The following DLG2 variants were observed in gnomAD, a reference collection of about 807,000 sequenced individuals.
The protein encoded by DLG2 is disks large homolog 2.
In DLG2, 45 loss-of-function variants were observed where a neutral mutation model predicts 132.5. The ratio of observed to expected loss-of-function variants is 0.34; its 90% CI spans 0.27 to 0.44. DLG2 has a LOEUF of 0.44. Among genes scored for constraint, DLG2 ranks in the 20% least tolerant of loss-of-function variants. The probability of loss-of-function intolerance (pLI) is 1.00; values close to 1 mark genes in which losing one functional copy is unlikely to be tolerated. For synonymous variants in DLG2, 424 were observed against 419.6 expected, an observed-to-expected ratio of 1.01 and a Z score of -0.13; for missense variants, 1,045 against 1,196.9, an observed-to-expected ratio of 0.87 and a Z score of 1.87.
intron 3 of DLG2, among the ~76,000 whole-genome samples, chr11:85,563,801 A>G (rs1243274632): frequency 6.6e-6 from 1 of 152,110 alleles, no homozygotes. Context: ...GCTTTGTGTG[A>G]TCAAATATTT....
chr11:84,973,400 C>T (rs566894299), intron 6 of DLG2, among the ~76,000 whole-genome samples: 29 of 152,204 alleles, frequency 1.9e-4, no homozygotes, highest in African/African-American at 6.7e-4. Flanking sequence ...TTCTTATGTT[C>T]CTCGTGAAAT....
At chr11:84,665,638 C>T (rs183948576) in intron 6 of DLG2, among the ~76,000 whole-genome samples, 7 of 152,222 alleles carry the variant, frequency 4.6e-5, no homozygotes, top group East Asian at 1.9e-4. Context: ...TTCTTGAAGA[C>T]GGTTGCTTCT....
chr11:83,952,496 T>C (rs2085724668), intron 14 of DLG2, among the ~76,000 whole-genome samples: 1 of 152,194 alleles, frequency 6.6e-6, no homozygotes, highest in Non-Finnish European at 1.5e-5. Flanking sequence ...TAAATACATA[T>C]ATAATCAAGA....
intron 18 of DLG2, among the ~76,000 whole-genome samples, chr11:83,642,755 G>A (rs979843407): frequency 6.6e-6 from 1 of 151,998 alleles, no homozygotes; most frequent in Admixed American, 6.6e-5. Context: ...ATTTTTTAAG[G>A]CTCTGAGATA....
intron 7 of DLG2, among the ~76,000 whole-genome samples, chr11:84,394,769 G>A (rs979442620): frequency 5.3e-5 from 8 of 151,990 alleles, no homozygotes; most frequent in Non-Finnish European, 1.0e-4. Flanking sequence ...TTACAGGTGT[G>A]CACCAGCACG....
intron 7 of DLG2, among the ~76,000 whole-genome samples, chr11:84,335,522 C>T (rs2098480532): frequency 6.6e-6 from 1 of 152,086 alleles, no homozygotes; most frequent in Non-Finnish European, 1.5e-5. Flanking sequence ...CTGAGGTGAC[C>T]CTTGTAAAGT....
chr11:83,843,011 T>C (rs1447593289), intron 16 of DLG2, among the ~76,000 whole-genome samples: 3 of 152,246 alleles, frequency 2.0e-5, no homozygotes, highest in African/African-American at 7.2e-5. Flanking sequence ...TTGATCTTTC[T>C]AAAGAACATA....
At chr11:85,055,160 A>G (rs2063324711) in intron 6 of DLG2, among the ~76,000 whole-genome samples, 1 of 152,210 alleles carries the variant, frequency 6.6e-6, no homozygotes, top group South Asian at 2.1e-4. Flanking sequence ...GCTCAAATGG[A>G]CACAATCATA....
chr11:85,501,050 G>T (rs1472386385), intron 3 of DLG2, among the ~76,000 whole-genome samples: 2 of 152,134 alleles, frequency 1.3e-5, no homozygotes, highest in Admixed American at 1.3e-4. Context: ...AAAACAGCAT[G>T]GTACTGGTAC....
intron 3 of DLG2, among the ~76,000 whole-genome samples, chr11:85,417,657 C>A (rs1308660291): frequency 2.0e-5 from 3 of 152,278 alleles, no homozygotes; most frequent in East Asian, 3.9e-4. Flanking sequence ...TCAACTTCTT[C>A]TTGCTTTAGT....
intron 7 of DLG2, among the ~76,000 whole-genome samples, chr11:84,390,974 G>T (rs1309860731): frequency 6.6e-6 from 1 of 152,112 alleles, no homozygotes; most frequent in Non-Finnish European, 1.5e-5. Flanking sequence ...GCAGACAACA[G>T]TTTTAAGAGT....
In DLG2 at chr11:83,856,840, T is replaced by C. The variant is rs1452262922; in HGVS notation, c.1565+17580A>G. ...AGCTCTTTAGTTTAATTAAATATCA[T>C]TTGCCAGTTTTTGCTTTGGTGTAAT... On this transcript the variant is annotated intron_variant, in intron 16 of 27. Transcript: ENST00000376104. 2.0e-5 allele frequency among the ~76,000 whole-genome samples: 3 copies of C among 152,228 alleles called. No homozygotes were observed. In the East Asian group the frequency reaches 5.8e-4, roughly 29 times the overall value.
Position 84,121,541 on chromosome 11 carries a change from A to ATTTTTTTTTTTTTT in DLG2, c.625-22508_625-22495dup, listed in dbSNP as rs869183421. ...TTACTCTCACTTATATTCCTTGCTAATTTTTTTTTTTTTTTTTTTTTTTTT... is the reference window on the plus strand; with the variant it reads ...TTACTCTCACTTATATTCCTTGCTAATTTTTTTTTTTTTTTTTTTTTTTTTTTTTTTTTTTTTTT... On this transcript the variant is annotated intron_variant, in intron 9 of 27. Transcript: ENST00000376104. Among the ~76,000 whole-genome samples, 11 of 66,686 alleles carry ATTTTTTTTTTTTTT rather than the reference A, an allele frequency of 1.6e-4. 2 individuals carry two copies. The highest frequency in any genetic ancestry group is 2.3e-4 in the Admixed American group (1 of 4,256). 43.7% of individuals were successfully genotyped at this position (66,686 alleles called of 152,430 possible). A position where few individuals can be genotyped will look rare whatever the true frequency, so the allele number is the denominator to read the frequency against.
At chr11:83,827,958 T>G (rs2053364104) in intron 17 of DLG2, among the ~76,000 whole-genome samples, 1 of 152,142 alleles carries the variant, frequency 6.6e-6, no homozygotes, top group African/African-American at 2.4e-5. Flanking sequence ...CTAGAAAAGA[T>G]CACTTATAAT....
chr11:85,618,092 T>C (rs1260994572), intron 2 of DLG2, among the ~76,000 whole-genome samples: 1 of 152,196 alleles, frequency 6.6e-6, no homozygotes, highest in Non-Finnish European at 1.5e-5. Flanking sequence ...ATTGAACCCA[T>C]GCGGAAAGCT....
At chr11:83,766,124 C>T (rs1177915981) in intron 18 of DLG2, among the ~76,000 whole-genome samples, 2 of 145,300 alleles carry the variant, frequency 1.4e-5, no homozygotes, top group Middle Eastern at 3.5e-3. Context: ...GATGGAGTCT[C>T]ACTCTGTCAC....
intron 4 of DLG2, among the ~76,000 whole-genome samples, chr11:85,205,136 A>ATG (rs2081775303): frequency 6.8e-6 from 1 of 146,428 alleles, no homozygotes; most frequent in Admixed American, 6.9e-5. Flanking sequence ...TAATTCATAT[A>ATG]TATGTGTGTG....
At chr11:83,741,004 C>T (rs2092462004) in intron 18 of DLG2, among the ~76,000 whole-genome samples, 1 of 151,870 alleles carries the variant, frequency 6.6e-6, no homozygotes, top group African/African-American at 2.4e-5. Flanking sequence ...TTCAACATAC[C>T]CAAATCAATG....
At chr11:85,184,595 C>A (rs1041947972) in intron 4 of DLG2, among the ~76,000 whole-genome samples, 1 of 151,744 alleles carries the variant, frequency 6.6e-6, no homozygotes, top group Non-Finnish European at 1.5e-5. Flanking sequence ...TCATTTGGTA[C>A]AGTAAAGGTT....
Sources: allele counts gnomAD v4.1 joint callset (sites outside exome capture counted in the v4.1 genomes callset), GRCh38; gene constraint gnomAD v4.1.1; transcripts MANE v1.5; gene names NCBI Gene and HGNC (gene_info 2026-07-23, HGNC 2026-07-21).